Variants in LHFPL6 observed in about 807,000 individuals in gnomAD.
LHFPL6 encodes the protein LHFPL tetraspan subfamily member 6.
Under a neutral mutation model 20.6 loss-of-function variants are expected in LHFPL6, and 9 were observed. The observed-to-expected ratio is 0.44, with a 90% CI of 0.26 to 0.76. The LOEUF (loss-of-function observed/expected upper bound fraction) is 0.76, where lower values mean the gene tolerates loss of function less well. Among genes scored for constraint, LHFPL6 ranks in the 30% least tolerant of loss-of-function variants. The pLI, the probability that LHFPL6 is intolerant of heterozygous loss-of-function variation, is 0.20. For missense variants in LHFPL6, 218 were observed against 253.5 expected (o/e 0.86, Z 0.95); for synonymous variants, 105 against 98.7 (o/e 1.06, Z -0.38).
intron 2 of LHFPL6, among the ~76,000 whole-genome samples, chr13:39,579,914 T>C (rs773538275): frequency 3.3e-5 from 5 of 152,204 alleles, no homozygotes; most frequent in Non-Finnish European, 1.5e-5. Flanking sequence ...GTCACAGCCC[T>C]GTAGTACATT....
At chr13:39,524,144 G>A (rs1870210474) in intron 2 of LHFPL6, among the ~76,000 whole-genome samples, 1 of 152,144 alleles carries the variant, frequency 6.6e-6, no homozygotes. Flanking sequence ...AAGGGGCTAA[G>A]GGACATAGGA....
chr13:39,356,423 A>G (rs986015544), intron 3 of LHFPL6, among the ~76,000 whole-genome samples: 9 of 152,234 alleles, frequency 5.9e-5, no homozygotes, highest in Non-Finnish European at 1.3e-4. Flanking sequence ...AGAAGTTAGA[A>G]AGATCTCAAG....
intron 2 of LHFPL6, among the ~76,000 whole-genome samples, chr13:39,578,447 A>T (rs1012122038): frequency 6.6e-6 from 1 of 152,216 alleles, no homozygotes; most frequent in Non-Finnish European, 1.5e-5. Flanking sequence ...ATTTTATTTT[A>T]AGCATTCAGT....
intron 2 of LHFPL6, among the ~76,000 whole-genome samples, chr13:39,595,919 G>C (rs999761338): frequency 1.3e-5 from 2 of 152,142 alleles, no homozygotes; most frequent in African/African-American, 4.8e-5. Flanking sequence ...TGACTGTACA[G>C]AGTTGGCCAA....
intron 2 of LHFPL6, among the ~76,000 whole-genome samples, chr13:39,576,498 C>A (rs2324342): frequency 0.76 from 115,524 of 152,142 alleles, 44,606 homozygotes; most frequent in Middle Eastern, 0.85. Context: ...ATAAAGTATG[C>A]TTACTTCACA....
intron 2 of LHFPL6, among the ~76,000 whole-genome samples, chr13:39,401,895 C>A (rs1335244859): frequency 6.6e-6 from 1 of 152,128 alleles, no homozygotes; most frequent in African/African-American, 2.4e-5. Context: ...AGGGAATGAT[C>A]CAGGCCTGTG....
rs571462847 is a variant in LHFPL6 at position 39,464,305 on chromosome 13, A to C, written c.386-85779T>G. On this transcript the variant is annotated intron_variant, in intron 2 of 3. Transcript: ENST00000379589. ...TCCAATGATAATTTTGATACAAACC[A>C]ATAAATTGAGGTGCTGATGGAAATA... Among the ~76,000 whole-genome samples the C allele has an allele frequency of 5.3e-5, 8 of 152,306 alleles. No homozygotes were observed. The East Asian group carries it at 1.5e-3, about 29-fold the overall frequency.
intron 2 of LHFPL6, among the ~76,000 whole-genome samples, chr13:39,422,244 T>A (rs1221141460): frequency 6.6e-6 from 1 of 152,138 alleles, no homozygotes; most frequent in Non-Finnish European, 1.5e-5. Context: ...GACTATATGG[T>A]ATGTTCTAAT....
chr13:39,416,802 A>G (rs1482689096), intron 2 of LHFPL6, among the ~76,000 whole-genome samples: 1 of 152,146 alleles, frequency 6.6e-6, no homozygotes, highest in Admixed American at 6.5e-5. Flanking sequence ...TGGCATGCAA[A>G]TCAAATTTTC....
intron 2 of LHFPL6, among the ~76,000 whole-genome samples, chr13:39,592,873 G>T (rs137941793): frequency 6.6e-6 from 1 of 152,076 alleles, no homozygotes; most frequent in Non-Finnish European, 1.5e-5. Flanking sequence ...GACAAAAACC[G>T]TATGATTATC....
At chr13:39,416,393 C>T (rs907007042) in intron 2 of LHFPL6, among the ~76,000 whole-genome samples, 1 of 151,168 alleles carries the variant, frequency 6.6e-6, no homozygotes, top group African/African-American at 2.4e-5. Flanking sequence ...GCATGAAACT[C>T]CATTATATTA....
At chr13:39,368,723 G>T (rs1870076110) in intron 3 of LHFPL6, among the ~76,000 whole-genome samples, 1 of 152,140 alleles carries the variant, frequency 6.6e-6, no homozygotes, top group Non-Finnish European at 1.5e-5. Flanking sequence ...AAAAGAGACA[G>T]GCATCATTAA....
At chr13:39,599,295 A>G (rs1367705857) in intron 2 of LHFPL6, among the ~76,000 whole-genome samples, 1 of 152,242 alleles carries the variant, frequency 6.6e-6, no homozygotes, top group Non-Finnish European at 1.5e-5. Context: ...CAAACAGCAG[A>G]CCAACTTTAT....
intron 2 of LHFPL6, among the ~76,000 whole-genome samples, chr13:39,549,886 A>G (rs1163298233): frequency 1.3e-5 from 2 of 152,076 alleles, no homozygotes; most frequent in African/African-American, 4.8e-5. Flanking sequence ...ATGAATCTCA[A>G]ATGCATCATC....
At chr13:39,566,401 G>A (rs9576865) in intron 2 of LHFPL6, among the ~76,000 whole-genome samples, 127,602 of 152,162 alleles carry the variant, frequency 0.84, 53,687 homozygotes, top group Middle Eastern at 0.91. Flanking sequence ...TACATTGTCC[G>A]TTGTGGCATC....
At chr13:39,528,715 T>G (rs1382993209) in intron 2 of LHFPL6, among the ~76,000 whole-genome samples, 1 of 152,196 alleles carries the variant, frequency 6.6e-6, no homozygotes, top group Non-Finnish European at 1.5e-5. Flanking sequence ...TGGGCTACAA[T>G]TCTTACACTT....
At chr13:39,389,480 C>T (rs1488573259) in intron 2 of LHFPL6, among the ~76,000 whole-genome samples, 1 of 152,136 alleles carries the variant, frequency 6.6e-6, no homozygotes, top group Non-Finnish European at 1.5e-5. Flanking sequence ...AGAGGAAGGG[C>T]CATAAGCTTT....
Position 39,600,933 on chromosome 13 carries a change from A to T in LHFPL6, c.284T>A (p.Leu95His). ...CTIVTGLGCG[L>H]LLLVALTALM... The stretch of plus-strand genomic sequence containing the variant: ...GGCAGTGAGCGCCACCAGGAGGAGG[A>T]GGCCACAACCCAGGCCGGTCACTAT... Residue 95 changes from leucine to histidine, a missense_variant, in exon 2 of 4, where the codon CTC becomes CAC. By Grantham distance (99) the Leu-to-His change is moderately conservative. Coordinates refer to ENST00000379589, the MANE Select transcript of LHFPL6 (RefSeq NM_005780.3). 1.2e-6 allele frequency: 2 copies of T among 1,600,862 alleles called. No individual in the cohort carries two copies. Among genetic ancestry groups the T allele is most frequent in the Non-Finnish European group, 1.7e-6 (2 of 1,171,410 alleles).
At chr13:39,491,278 C>T (rs151277618) in intron 2 of LHFPL6, among the ~76,000 whole-genome samples, 413 of 152,210 alleles carry the variant, frequency 2.7e-3, no homozygotes, top group Non-Finnish European at 4.2e-3. Flanking sequence ...GAAGTAATTC[C>T]TAGTCTGGGC....
Sources: allele counts gnomAD v4.1 joint callset (sites outside exome capture counted in the v4.1 genomes callset), GRCh38; gene constraint gnomAD v4.1.1; transcripts MANE v1.5; gene names NCBI Gene and HGNC (gene_info 2026-07-23, HGNC 2026-07-21).